The following TMEM123 variants were observed in gnomAD, a reference collection of about 807,000 sequenced individuals.
TMEM123 encodes porimin.
Under a neutral mutation model 19.7 loss-of-function variants are expected in TMEM123, and 16 were observed. The ratio of observed to expected loss-of-function variants is 0.81; its 90% CI spans 0.55 to 1.23. TMEM123 has a LOEUF of 1.23. Among genes scored for constraint, TMEM123 ranks in the 50% most tolerant of loss-of-function variants. The probability of loss-of-function intolerance (pLI) is 0.00; values close to 1 mark genes in which losing one functional copy is unlikely to be tolerated. For missense variants in TMEM123, 313 were observed against 257.8 expected, an observed-to-expected ratio of 1.21 and a Z score of -1.47; for synonymous variants, 118 against 99.4, an observed-to-expected ratio of 1.19 and a Z score of -1.12.
chr11:102,440,041 G>A (rs542777276), intron 2 of TMEM123, among the ~76,000 whole-genome samples: 1 of 152,294 alleles, frequency 6.6e-6, no homozygotes, highest in East Asian at 1.9e-4. Context: ...AAGAAATATG[G>A]GACTATGTGA....
intron 2 of TMEM123, among the ~76,000 whole-genome samples, chr11:102,407,281 T>C (rs915399011): frequency 2.6e-5 from 4 of 152,192 alleles, no homozygotes; most frequent in African/African-American, 9.7e-5. Flanking sequence ...TGAATCACTG[T>C]AGAGTTTTAT....
intron 3 of TMEM123, 27 bp downstream of exon 3, chr11:102,401,889 A>G (rs758507775): frequency 2.9e-5 from 46 of 1,581,920 alleles, no homozygotes; most frequent in African/African-American, 7.4e-5. Context: ...GCAGCATAGG[A>G]AAAAAAAGGT....
At chr11:102,400,680 C>A (rs1951904917) in intron 4 of TMEM123, among the ~76,000 whole-genome samples, 1 of 152,138 alleles carries the variant, frequency 6.6e-6, no homozygotes, top group African/African-American at 2.4e-5. Flanking sequence ...AGGGTGGAAC[C>A]CTCGTGAACA....
In TMEM123 at chr11:102,426,510, G is replaced by C. The variant is rs542187427; in HGVS notation, c.157+22302C>G. ...CTGTCTCCCAGCCTGGAGTAGATGT[G>C]GGTCCTCAAGGAGAACTGCTTTGAG... On this transcript the variant is annotated intron_variant, in intron 2 of 4. Transcript: ENST00000398136. Among the ~76,000 whole-genome samples, 7 of 151,210 alleles carry C rather than the reference G, an allele frequency of 4.6e-5. No individual in the cohort carries two copies. The East Asian group carries it at 9.7e-4, about 21-fold the overall frequency.
At chr11:102,418,823 C>T (rs970428118) in intron 2 of TMEM123, among the ~76,000 whole-genome samples, 1 of 152,200 alleles carries the variant, frequency 6.6e-6, no homozygotes, top group Non-Finnish European at 1.5e-5. Flanking sequence ...GAATACTACA[C>T]AGCCATAAAA....
intron 2 of TMEM123, among the ~76,000 whole-genome samples, chr11:102,410,413 C>G (rs1162226283): frequency 6.6e-6 from 1 of 151,768 alleles, no homozygotes; most frequent in Non-Finnish European, 1.5e-5. Flanking sequence ...TGACGGGGCA[C>G]TGTAGACAGT....
At chr11:102,411,811 A>T (rs1478964240) in intron 2 of TMEM123, among the ~76,000 whole-genome samples, 1 of 152,170 alleles carries the variant, frequency 6.6e-6, no homozygotes, top group African/African-American at 2.4e-5. Flanking sequence ...TTTTCATTTC[A>T]TTCTATCAAA....
intron 2 of TMEM123, among the ~76,000 whole-genome samples, chr11:102,411,404 A>G (rs1952003561): frequency 6.6e-6 from 1 of 152,212 alleles, no homozygotes; most frequent in South Asian, 2.1e-4. Flanking sequence ...TATATCCTCT[A>G]TAATAAACCA....
chr11:102,421,451 G>A (rs1322986759), intron 2 of TMEM123, among the ~76,000 whole-genome samples: 3 of 152,020 alleles, frequency 2.0e-5, no homozygotes, highest in Non-Finnish European at 4.4e-5. Context: ...TGTGTAATGT[G>A]CAGCTGCCAC....
intron 2 of TMEM123, among the ~76,000 whole-genome samples, chr11:102,409,971 G>A (rs1951990039): frequency 6.6e-6 from 1 of 150,992 alleles, no homozygotes; most frequent in East Asian, 1.9e-4. Context: ...TACATTTTCT[G>A]AAAATGTTTT....
In TMEM123 at chr11:102,401,603, A is replaced by G. The variant is rs1218030150; in HGVS notation, c.538T>C (p.Leu180=). The G allele has an allele frequency of 6.2e-7, 1 of 1,605,406 alleles. No homozygotes were observed. Among genetic ancestry groups the G allele is most frequent in the East Asian group, 2.2e-5 (1 of 44,700 alleles). ...VGGIVLTLGV[L]SILYIGCKMY... The stretch of plus-strand genomic sequence containing the variant: ...TTGCATCCAATGTAAAGAATAGATA[A>G]AACTCCCAGCGTTAATACAATACCA... Residue 180 remains leucine, a synonymous_variant, in exon 4 of 5, where the codon TTA becomes CTA. Coordinates refer to ENST00000398136, the MANE Select transcript of TMEM123 (RefSeq NM_052932.3).
At chr11:102,403,566 T>C (rs890100444) in intron 2 of TMEM123, among the ~76,000 whole-genome samples, 1 of 152,238 alleles carries the variant, frequency 6.6e-6, no homozygotes, top group Non-Finnish European at 1.5e-5. Flanking sequence ...TCTGTATTCA[T>C]TTCCTGTCTC....
chr11:102,401,932 A>G lies in TMEM123; in HGVS notation c.432T>C (p.Ala144=). 7 of 1,614,000 alleles carry G rather than the reference A, an allele frequency of 4.3e-6. No homozygotes were observed. Among genetic ancestry groups the G allele is most frequent in the Non-Finnish European group, 5.9e-6 (7 of 1,179,854 alleles). ...TVTHNSSVTS[A]ASSVTITTTM... is the part of the protein sequence containing the mutation. ...AATACATACTTGTTACTGATGAAGC[A>G]GCAGATGTCACTGAACTATTGTGGG... The change falls in exon 3 of 5, where the codon GCT becomes GCC. Residue 144 remains alanine, a synonymous_variant. Coordinates refer to ENST00000398136, the MANE Select transcript of TMEM123 (RefSeq NM_052932.3).
In TMEM123 at chr11:102,401,991, T is replaced by G. The variant is rs1293605550; in HGVS notation, c.373A>C (p.Thr125Pro). ...ATTGTGGATGTTGATATCTGAGATGTGTTCTGTGAAACACTTGTTGTTTTG... is the reference window on the plus strand; with the variant it reads ...ATTGTGGATGTTGATATCTGAGATGGGTTCTGTGAAACACTTGTTGTTTTG... ...TPKTTSVSQNTSQISTSTMTV... is the reference protein window; with the variant it reads ...TPKTTSVSQNPSQISTSTMTV... The change falls in exon 3 of 5, where the codon ACA (threonine) becomes CCA (proline). Residue 125 changes from threonine (T) to proline (P), a missense_variant. By Grantham distance (38) the Thr-to-Pro change is conservative. Transcript: ENST00000398136. 6.2e-7 allele frequency: 1 copy of G among 1,614,214 alleles called. No homozygotes were observed. The highest frequency in any genetic ancestry group is 8.5e-7 in the Non-Finnish European group (1 of 1,180,030).
At chr11:102,399,736 A>T (rs898714422) in intron 4 of TMEM123, among the ~76,000 whole-genome samples, 2 of 152,124 alleles carry the variant, frequency 1.3e-5, no homozygotes, top group African/African-American at 4.8e-5. Flanking sequence ...TTGGGAGGCC[A>T]AGGTGGGAGG....
chr11:102,419,649 C>T (rs1308932628), intron 2 of TMEM123, among the ~76,000 whole-genome samples: 1 of 152,172 alleles, frequency 6.6e-6, no homozygotes, highest in Non-Finnish European at 1.5e-5. Context: ...GTAAAGTGAG[C>T]TCAATAGGTC....
At chr11:102,435,529 A>G (rs1857753929) in intron 2 of TMEM123, among the ~76,000 whole-genome samples, 1 of 151,968 alleles carries the variant, frequency 6.6e-6, no homozygotes, top group Non-Finnish European at 1.5e-5. Context: ...ACAGTTTGGC[A>G]GTTCATTAAA....
chr11:102,402,837 A>G lies in TMEM123; in HGVS notation c.158-631T>C, dbSNP rs371159043. 7.2e-5 allele frequency among the ~76,000 whole-genome samples: 11 copies of G among 152,390 alleles called. No individual in the cohort carries two copies. In the East Asian group the frequency reaches 1.7e-3, roughly 24 times the overall value. On this transcript the variant is annotated intron_variant, in intron 2 of 4. Transcript: ENST00000398136. ...TAGTTGGAAGGACAGTTCTAAAACT[A>G]TCTGTGAAAGTTTTACAAGTCCAAA...
rs143012183 is a variant in TMEM123, at chr11:102,448,114, A to G, written c.157+698T>C. 7.5e-4 allele frequency: 304 copies of G among 404,888 alleles called. 1 individual carries two copies. The highest frequency in any genetic ancestry group is 6.0e-3 in the African/African-American group (289 of 48,248). The allele number at this position is 404,888 out of a possible 1,614,324, so 25.1% of individuals were successfully genotyped here. ...TAGAGTCCATAAATATTCCCTGACTAAAAGTAAACAAAACAAGTTAGTGAT... is the reference window on the plus strand; with the variant it reads ...TAGAGTCCATAAATATTCCCTGACTGAAAGTAAACAAAACAAGTTAGTGAT... On this transcript the variant is annotated intron_variant, in intron 2 of 4. Transcript: ENST00000398136.
Sources: allele counts gnomAD v4.1 joint callset (sites outside exome capture counted in the v4.1 genomes callset), GRCh38; gene constraint gnomAD v4.1.1; transcripts MANE v1.5; gene names NCBI Gene and HGNC (gene_info 2026-07-23, HGNC 2026-07-21).